Variants in GOLPH3L observed in about 807,000 individuals in gnomAD.
GOLPH3L encodes Golgi phosphoprotein 3-like.
A neutral mutation model predicts 30.3 loss-of-function variants in GOLPH3L; 22 were observed. That is an observed-to-expected ratio of 0.73 (90% CI 0.52 to 1.04). The LOEUF is 1.04. GOLPH3L is among the 50% of genes least tolerant of loss of function. GOLPH3L has a pLI of 0.00. For missense variants in GOLPH3L, 303 were observed against 345.8 expected (o/e 0.88, Z 0.98); for synonymous variants, 120 against 128.2 (o/e 0.94, Z 0.43).
intron 4 of GOLPH3L, among the ~76,000 whole-genome samples, chr1:150,656,165 A>C (rs1257664010): frequency 2.6e-5 from 4 of 152,166 alleles, no homozygotes. Context: ...ATATTACTCC[A>C]ATGTTATGAT....
intron 2 of GOLPH3L, among the ~76,000 whole-genome samples, chr1:150,689,153 T>C (rs1037698827): frequency 6.6e-6 from 1 of 152,220 alleles, no homozygotes; most frequent in African/African-American, 2.4e-5. Flanking sequence ...AGAAATATGA[T>C]GAAAAGCTTT....
At chr1:150,677,666 C>T (rs1456466461) in intron 2 of GOLPH3L, among the ~76,000 whole-genome samples, 1 of 149,426 alleles carries the variant, frequency 6.7e-6, no homozygotes, top group African/African-American at 2.5e-5. Context: ...GGGTCTCACT[C>T]TGTCACCCAC....
intron 4 of GOLPH3L, among the ~76,000 whole-genome samples, chr1:150,657,492 G>A (rs1280495839): frequency 4.6e-5 from 7 of 152,322 alleles, no homozygotes; most frequent in African/African-American, 1.7e-4. Flanking sequence ...GCAAATGGAT[G>A]TCACACATGT....
At chr1:150,685,874 CT>C (rs35375244) in intron 2 of GOLPH3L, among the ~76,000 whole-genome samples, 47,973 of 120,352 alleles carry the variant, frequency 0.4, 8,392 homozygotes, top group Non-Finnish European at 0.45. Context: ...GTAAGTATGT[CT>C]TTTTTTTTTT....
chr1:150,676,130 T>C (rs587644912), intron 2 of GOLPH3L, among the ~76,000 whole-genome samples: 29 of 152,042 alleles, frequency 1.9e-4, no homozygotes, highest in African/African-American at 7.0e-4. Flanking sequence ...CATGCCACCA[T>C]GCCTGGCTAA....
At chr1:150,653,175 C>CAA (rs757485843) in intron 4 of GOLPH3L, among the ~76,000 whole-genome samples, 9 of 76,262 alleles carry the variant, frequency 1.2e-4, no homozygotes, top group South Asian at 4.1e-4. Flanking sequence ...GCCAAAAAAA[C>CAA]AAAAAAAAAA....
chr1:150,667,239 T>G (rs1443561640), intron 2 of GOLPH3L, among the ~76,000 whole-genome samples: 1 of 152,206 alleles, frequency 6.6e-6, no homozygotes, highest in Non-Finnish European at 1.5e-5. Context: ...GGGGGCCCCT[T>G]GAAGATTATT....
intron 4 of GOLPH3L, among the ~76,000 whole-genome samples, chr1:150,656,454 A>G (rs1410749558): frequency 6.6e-6 from 1 of 152,156 alleles, no homozygotes; most frequent in Non-Finnish European, 1.5e-5. Context: ...GCCCTCGGCA[A>G]TTAACAAAAG....
chr1:150,660,045 C>CA (rs970823677), intron 4 of GOLPH3L, among the ~76,000 whole-genome samples: 1 of 151,816 alleles, frequency 6.6e-6, no homozygotes, highest in East Asian at 1.9e-4. Context: ...TAAATAAATA[C>CA]AAAAAAACCT....
chr1:150,671,372 T>C (rs1027747769), intron 2 of GOLPH3L, among the ~76,000 whole-genome samples: 2 of 152,164 alleles, frequency 1.3e-5, no homozygotes, highest in Non-Finnish European at 2.9e-5. Flanking sequence ...ATTCAATAAA[T>C]TCAGACAGTC....
intron 2 of GOLPH3L, among the ~76,000 whole-genome samples, chr1:150,666,394 G>C (rs1308075533): frequency 1.3e-5 from 2 of 152,094 alleles, no homozygotes; most frequent in Admixed American, 1.3e-4. Context: ...ACCCAGGCTG[G>C]AGTGCAATGG....
At chr1:150,687,596 CT>C (rs1265888570) in intron 2 of GOLPH3L, among the ~76,000 whole-genome samples, 1 of 151,276 alleles carries the variant, frequency 6.6e-6, no homozygotes, top group Non-Finnish European at 1.5e-5. Flanking sequence ...CAAAAAAAAA[CT>C]TTTTGATTAG....
At chr1:150,655,061 A>G (rs1190992973) in intron 4 of GOLPH3L, among the ~76,000 whole-genome samples, 2 of 152,230 alleles carry the variant, frequency 1.3e-5, no homozygotes, top group Non-Finnish European at 2.9e-5. Flanking sequence ...AAATTAAATG[A>G]ACAGGAGGAT....
At position 150,661,926 on chromosome 1, in the gene GOLPH3L, T is replaced by TA; in HGVS notation, c.317dup (p.Leu107ThrfsTer10). 7.1e-7 allele frequency: 1 copy of TA among 1,416,114 alleles called. No individual in the cohort carries two copies. The highest frequency in any genetic ancestry group is 1.0e-6 in the Non-Finnish European group (1 of 999,452). The allele number at this position is 1,416,114 out of a possible 1,614,324, so 87.7% of individuals were successfully genotyped here. A position where few individuals can be genotyped will look rare whatever the true frequency, so the allele number is the denominator to read the frequency against. ...CTGTTGGGCTGTCTGACTTTAGCAG[T>TA]ACCTTTGAGAAAAGGAGAAAGAAGG... On this transcript the variant is annotated frameshift_variant and splice_region_variant, in exon 4 of 5. Transcript: ENST00000271732. LOFTEE classifies it high-confidence loss of function.
chr1:150,648,441 C>G lies in GOLPH3L; in HGVS notation c.738G>C (p.Lys246Asn), dbSNP rs1421191167. 1.2e-6 allele frequency: 2 copies of G among 1,613,768 alleles called. No homozygotes were observed. The highest frequency in any genetic ancestry group is 1.1e-5 in the South Asian group (1 of 91,068). The stretch of plus-strand genomic sequence containing the variant: ...TGGCTCGATTCATTGCCACATCATA[C>G]TTGTCATCTGTCAGAGAGGAGAAGA... ...ENVFSSLTDD[K>N]YDVAMNRAKD... Residue 246 changes from lysine to asparagine, a missense_variant, in exon 5 of 5, where the codon AAG (lysine) becomes AAC (asparagine). Transcript: ENST00000271732.
intron 1 of GOLPH3L, among the ~76,000 whole-genome samples, chr1:150,695,873 G>T (rs1408956409): frequency 6.6e-6 from 1 of 151,868 alleles, no homozygotes; most frequent in African/African-American, 2.4e-5. Context: ...TGGCAAGAGA[G>T]TGTTGAAAGA....
chr1:150,662,160 A>G lies in GOLPH3L; in HGVS notation c.316-232T>C, dbSNP rs74773841. Among the ~76,000 whole-genome samples, 147 of 152,272 alleles carry G rather than the reference A, an allele frequency of 9.7e-4. 2 individuals are homozygous for G. In the East Asian group the frequency reaches 0.027, roughly 28 times the overall value. ...AAACTGGATATGAATGATAATGGAG[A>G]AAAGTTTCAATAACAACTCATTTTG... On this transcript the variant is annotated intron_variant, in intron 3 of 4. Coordinates refer to ENST00000271732, the MANE Select transcript of GOLPH3L (RefSeq NM_018178.6).
intron 2 of GOLPH3L, among the ~76,000 whole-genome samples, chr1:150,666,827 A>T (rs1650519165): frequency 6.6e-6 from 1 of 152,056 alleles, no homozygotes; most frequent in South Asian, 2.1e-4. Context: ...TTTTAGTCTG[A>T]TTATTTTAAT....
At chr1:150,657,878 T>A (rs143296809) in intron 4 of GOLPH3L, among the ~76,000 whole-genome samples, 123 of 152,260 alleles carry the variant, frequency 8.1e-4, no homozygotes, top group African/African-American at 2.8e-3. Flanking sequence ...AACTTTAAAT[T>A]TTTTGAGCCT....
Sources: allele counts gnomAD v4.1 joint callset (sites outside exome capture counted in the v4.1 genomes callset), GRCh38; gene constraint gnomAD v4.1.1; transcripts MANE v1.5; gene names NCBI Gene and HGNC (gene_info 2026-07-23, HGNC 2026-07-21).